The following N4BP3 variants were observed in gnomAD, a reference collection of about 807,000 sequenced individuals.
The protein encoded by N4BP3 is NEDD4-binding protein 3.
In N4BP3, 33 loss-of-function variants were observed where a neutral mutation model predicts 43.8. The observed-to-expected ratio is 0.75, with a 90% CI of 0.57 to 1.01. The LOEUF (loss-of-function observed/expected upper bound fraction) is 1.01, where lower values mean the gene tolerates loss of function less well. Ranked by LOEUF, N4BP3 falls within the 50% of genes least tolerant of loss-of-function variation. The probability of loss-of-function intolerance (pLI) is 0.00; values close to 1 mark genes in which losing one functional copy is unlikely to be tolerated. For synonymous variants in N4BP3, 326 were observed against 321.9 expected (o/e 1.01, Z -0.14); for missense variants, 756 against 744.2 (o/e 1.02, Z -0.18).
chr5:178,119,877 C>T lies in N4BP3; in HGVS notation c.294C>T (p.Ser98=). 1 of 1,611,366 alleles carries T rather than the reference C, an allele frequency of 6.2e-7. No homozygotes were observed. The highest frequency in any genetic ancestry group is 8.5e-7 in the Non-Finnish European group (1 of 1,179,706). ...YREHSRAGDF[S]KTSLPERGRF... ...AACATTCTCGCGCGGGTGACTTCAG[C>T]AAGACCTCGCTGCCAGAACGGGGTC... is the stretch of plus-strand genomic sequence containing the variant. The change falls in exon 2 of 5, where the codon AGC becomes AGT. Residue 98 remains serine, a synonymous_variant. Transcript: ENST00000274605.
chr5:178,126,311 T>C (rs1758064085), downstream of N4BP3, among the ~76,000 whole-genome samples: 1 of 152,072 alleles, frequency 6.6e-6, no homozygotes, highest in Admixed American at 6.6e-5. Context: ...CCTGAGTAGC[T>C]GAGACTACAG....
At chr5:178,117,617 CAA>C (rs1158805938) in intron 1 of N4BP3, among the ~76,000 whole-genome samples, 499 of 13,700 alleles carry the variant, frequency 0.036, 5 homozygotes, top group Non-Finnish European at 0.07. Context: ...GACCCTGTCT[CAA>C]AAAAAAAAAA....
At chr5:178,119,504 G>T (rs1173399541) in intron 1 of N4BP3, 50 bp from the exon 2 acceptor site, 1 of 1,370,222 alleles carries the variant, frequency 7.3e-7, no homozygotes, top group East Asian at 2.4e-5. Context: ...CCCCAGGGAA[G>T]TTGGGCAGCC....
chr5:178,120,090 T>C (rs1236915900), intron 2 of N4BP3, 88 bp from the exon 3 acceptor site: 8 of 1,506,184 alleles, frequency 5.3e-6, no homozygotes, highest in Non-Finnish European at 6.2e-6. Context: ...TCAAAGAGGA[T>C]CCCTCAGGGG....
In N4BP3 at chr5:178,125,721, T is replaced by C. The variant is rs1271741060; in HGVS notation, c.*3720T>C. 6.6e-6 allele frequency: 1 copy of C among 152,270 alleles called. No homozygotes were observed. The highest frequency in any genetic ancestry group is 1.9e-4 in the East Asian group (1 of 5,200). 9.4% of individuals were successfully genotyped at this position (152,270 alleles called of 1,614,324 possible). On this transcript the variant is annotated 3_prime_UTR_variant, in exon 5 of 5. Transcript: ENST00000274605. ...GGTGGGTCTCATGGTTTCATTTTGCTTTGGGCTTACTTAGAGTTTTGGCAA... is the reference window on the plus strand; with the variant it reads ...GGTGGGTCTCATGGTTTCATTTTGCCTTGGGCTTACTTAGAGTTTTGGCAA...
In N4BP3 at chr5:178,119,579, A is replaced by C. The variant is rs571729096; in HGVS notation, c.-5A>C. On this transcript the variant is annotated 5_prime_UTR_variant, in exon 2 of 5. Transcript: ENST00000274605. Reference sequence around the variant, plus strand: ...AAGCAGCTGCCTGTACCCTGTTGAAACTTCATGGCCACAGCCCCAGGCCCT... The same window carrying C: ...AAGCAGCTGCCTGTACCCTGTTGAACCTTCATGGCCACAGCCCCAGGCCCT... The C allele has an allele frequency of 7.6e-5, 116 of 1,524,688 alleles. 2 individuals are homozygous for C. The South Asian group carries it at 1.4e-3, about 19-fold the overall frequency. 94.4% of individuals were successfully genotyped at this position (1,524,688 alleles called of 1,614,324 possible).
rs1453637892 is a variant in N4BP3 at position 178,125,871 on chromosome 5, C to T, written c.*3870C>T. 8 of 141,310 alleles carry T rather than the reference C, an allele frequency of 5.7e-5. No individual in the cohort carries two copies. Among genetic ancestry groups the T allele is most frequent in the Non-Finnish European group, 1.2e-4 (8 of 64,904 alleles). The allele number at this position is 141,310 out of a possible 1,614,324, so 8.8% of individuals were successfully genotyped here. On this transcript the variant is annotated 3_prime_UTR_variant, in exon 5 of 5. Coordinates refer to ENST00000274605, the MANE Select transcript of N4BP3 (RefSeq NM_015111.2). ...CCCCTGGCAACCACTGATCTGCTTT[C>T]ACAATAACCGTATGGGGTTTTTTCT... is the stretch of plus-strand genomic sequence containing the variant.
downstream of N4BP3, among the ~76,000 whole-genome samples, chr5:178,126,950 T>G (rs73348192): frequency 7.5e-3 from 1,147 of 152,318 alleles, 20 homozygotes; most frequent in African/African-American, 0.026. Context: ...TTAGACTTCA[T>G]CAGTCTGGCC....
At chr5:178,116,279 G>A (rs114004670) in intron 1 of N4BP3, among the ~76,000 whole-genome samples, 2,864 of 152,244 alleles carry the variant, frequency 0.019, 41 homozygotes, top group Non-Finnish European at 0.031. Flanking sequence ...AGGGGGTGGA[G>A]GTAGGATGGA....
At position 178,121,271 on chromosome 5, in the gene N4BP3, C is replaced by T. The variant is rs935332381; in HGVS notation, c.1026C>T (p.Gly342=). ...GCAAGGAGCTGCGGGCTCAGCAGGGCCTGGCTCCGGAGCCTCGGGCCCCCG... is the reference window on the plus strand; with the variant it reads ...GCAAGGAGCTGCGGGCTCAGCAGGGTCTGGCTCCGGAGCCTCGGGCCCCCG... The part of the protein sequence containing the change: ...RLRKELRAQQ[G]LAPEPRAPGT... Residue 342 remains glycine, a synonymous_variant, in exon 4 of 5, where the codon GGC becomes GGT. Coordinates refer to ENST00000274605, the MANE Select transcript of N4BP3 (RefSeq NM_015111.2). 1.2e-6 allele frequency: 2 copies of T among 1,606,028 alleles called. No homozygotes were observed. The highest frequency in any genetic ancestry group is 1.7e-6 in the Non-Finnish European group (2 of 1,176,232).
At chr5:178,117,353 T>C (rs948752221) in intron 1 of N4BP3, among the ~76,000 whole-genome samples, 1 of 152,098 alleles carries the variant, frequency 6.6e-6, no homozygotes, top group Non-Finnish European at 1.5e-5. Flanking sequence ...TACTTTTGGC[T>C]GTAGGGACCA....
Position 178,121,553 on chromosome 5 carries a change from C to T in N4BP3, c.1187C>T (p.Ala396Val), listed in dbSNP as rs187860405. 6.2e-6 allele frequency: 10 copies of T among 1,613,692 alleles called. No homozygotes were observed. Among genetic ancestry groups the T allele is most frequent in the Admixed American group, 3.3e-5 (2 of 60,022 alleles). Residue 396 changes from alanine to valine, a missense_variant, in exon 5 of 5, where the codon GCG becomes GTG. Coordinates refer to ENST00000274605, the MANE Select transcript of N4BP3 (RefSeq NM_015111.2). ...EAQAELAQKL[A>V]EIFSLKTQLR... ...CAGGCGGAACTGGCCCAGAAGCTGG[C>T]GGAGATCTTCAGTCTGAAGACACAA...
In N4BP3 at chr5:178,125,157, G is replaced by A. The variant is rs112305384; in HGVS notation, c.*3156G>A. ...AAGCACAGGGACTCCAGGGGCAGCT[G>A]CCATTCGTTCCAGTGATGTATTTGG... On this transcript the variant is annotated 3_prime_UTR_variant, in exon 5 of 5. Coordinates refer to ENST00000274605, the MANE Select transcript of N4BP3 (RefSeq NM_015111.2). 0.018 allele frequency: 2,816 copies of A among 152,520 alleles called. 34 individuals carry two copies. The highest frequency in any genetic ancestry group is 0.028 in the Non-Finnish European group (1,890 of 68,186). 9.4% of individuals were successfully genotyped at this position (152,520 alleles called of 1,614,324 possible).
At chr5:178,119,069 T>G (rs1757842336) in intron 1 of N4BP3, among the ~76,000 whole-genome samples, 1 of 152,176 alleles carries the variant, frequency 6.6e-6, no homozygotes, top group African/African-American at 2.4e-5. Context: ...TTTCACAGTG[T>G]TAGCCAGGAT....
chr5:178,117,461 A>C (rs1408939406), intron 1 of N4BP3, among the ~76,000 whole-genome samples: 1 of 152,030 alleles, frequency 6.6e-6, no homozygotes, highest in Admixed American at 6.6e-5. Context: ...AAGAAGGGTC[A>C]ATAGCTGGGC....
downstream of N4BP3, among the ~76,000 whole-genome samples, chr5:178,126,411 C>T (rs1205025451): frequency 1.3e-5 from 2 of 152,050 alleles, no homozygotes; most frequent in African/African-American, 2.4e-5. Flanking sequence ...ATCTCCTAAC[C>T]TCGTGATCCA....
In N4BP3 at chr5:178,121,995, G is replaced by T. The variant is rs1255347191; in HGVS notation, c.1629G>T (p.Lys543Asn). ...GGAGTCCCCGGCTCGAGTCCTCCAA[G>T]ATCTGAGGCCAGCAGAGCGAGCTGA... ...TPWSPRLESS[K>N]I Residue 543 changes from lysine to asparagine, a missense_variant, in exon 5 of 5, where the codon AAG becomes AAT. Coordinates refer to ENST00000274605, the MANE Select transcript of N4BP3 (RefSeq NM_015111.2). The T allele has an allele frequency of 8.8e-6, 14 of 1,591,456 alleles. No individual in the cohort carries two copies.
At chr5:178,116,119 G>A (rs1757766327) in intron 1 of N4BP3, among the ~76,000 whole-genome samples, 1 of 152,226 alleles carries the variant, frequency 6.6e-6, no homozygotes. Context: ...TGATGTTCCA[G>A]TGAGGCTGCA....
Position 178,121,132 on chromosome 5 carries a change from A to G in N4BP3, c.887A>G (p.Glu296Gly). The G allele has an allele frequency of 1.3e-6, 2 of 1,598,862 alleles. No homozygotes were observed. Among genetic ancestry groups the G allele is most frequent in the East Asian group, 4.5e-5 (2 of 44,784 alleles). ...GAGCGCCAGCGGCTGTGGCTGGCTG[A>G]GCTGAAGCGCCTGTATGTGGAGCGG... is the stretch of plus-strand genomic sequence containing the variant. ...LEERQRLWLA[E>G]LKRLYVERLH... The change falls in exon 4 of 5, where the codon GAG (glutamate) becomes GGG (glycine). Residue 296 changes from glutamate (E) to glycine (G), a missense_variant. Coordinates refer to ENST00000274605, the MANE Select transcript of N4BP3 (RefSeq NM_015111.2).
Sources: gnomAD v4.1 joint callset for allele counts (sites outside exome capture counted in the v4.1 genomes callset) on GRCh38, gnomAD v4.1.1 for gene constraint, MANE v1.5 for transcripts, NCBI Gene and HGNC (gene_info 2026-07-23, HGNC 2026-07-21) for gene names.